STON2: variants seen among roughly 807,000 people sequenced by gnomAD.
STON2 encodes the protein stonin-2.
A neutral mutation model predicts 65.7 loss-of-function variants in STON2; 29 were observed. That is an observed-to-expected ratio of 0.44 (90% CI 0.33 to 0.60). The LOEUF (loss-of-function observed/expected upper bound fraction) is 0.60. Among genes scored for constraint, STON2 ranks in the 20% least tolerant of loss-of-function variants. STON2 has a pLI of 0.03. For missense variants in STON2, 1,054 were observed against 1,118.1 expected (o/e 0.94, Z 0.82); for synonymous variants, 404 against 414.2 (o/e 0.98, Z 0.30).
chr14:81,283,203 A>G (rs1455188571), intron 5 of STON2, among the ~76,000 whole-genome samples: 1 of 152,190 alleles, frequency 6.6e-6, no homozygotes, highest in African/African-American at 2.4e-5. Flanking sequence ...TTAGGCCGCA[A>G]TCTATTTCAA....
intron 5 of STON2, among the ~76,000 whole-genome samples, chr14:81,308,781 CAT>C (rs57821672): frequency 1.1e-3 from 10 of 9,164 alleles, no homozygotes; most frequent in Admixed American, 1.4e-3. Flanking sequence ...TGGTTTTACC[CAT>C]ATATATATAT....
chr14:81,326,171 T>G (rs1896998381), intron 4 of STON2, among the ~76,000 whole-genome samples: 1 of 152,216 alleles, frequency 6.6e-6, no homozygotes, highest in Admixed American at 6.5e-5. Flanking sequence ...CACCCTGATT[T>G]TTGCCACGCT....
intron 5 of STON2, among the ~76,000 whole-genome samples, chr14:81,281,904 G>T (rs1313855547): frequency 1.3e-5 from 2 of 152,078 alleles, no homozygotes; most frequent in Non-Finnish European, 2.9e-5. Flanking sequence ...AAAAGACTTT[G>T]TTACAAAATT....
intron 5 of STON2, among the ~76,000 whole-genome samples, chr14:81,308,642 C>A (rs115042308): frequency 0.024 from 3,631 of 151,804 alleles, 142 homozygotes; most frequent in African/African-American, 0.083. Flanking sequence ...ACTCTACGTC[C>A]ATCCCTAATA....
intron 4 of STON2, among the ~76,000 whole-genome samples, chr14:81,329,654 C>A (rs1897135989): frequency 1.3e-5 from 2 of 152,128 alleles, no homozygotes; most frequent in Admixed American, 6.5e-5. Flanking sequence ...TGTTTTCAGC[C>A]ACCCAGTTTG....
chr14:81,422,894 G>T (rs906812056), intron 2 of STON2, among the ~76,000 whole-genome samples: 1 of 152,064 alleles, frequency 6.6e-6, no homozygotes, highest in Non-Finnish European at 1.5e-5. Flanking sequence ...AATTAGCTGG[G>T]TGTGGAGGTA....
chr14:81,395,787 A>C (rs766691424), intron 3 of STON2, 107 bp downstream of exon 3: 2 of 1,140,762 alleles, frequency 1.8e-6, no homozygotes, highest in South Asian at 2.9e-5. Flanking sequence ...CCAGTGCTTC[A>C]GGGTTAGGGG....
At position 81,266,067 on chromosome 14, in the gene STON2, A is replaced by G. The variant is rs906845883; in HGVS notation, c.*2347T>C. 9.1e-6 allele frequency: 9 copies of G among 985,314 alleles called. 1 individual carries two copies. The highest frequency in any genetic ancestry group is 1.7e-5 in the African/African-American group (1 of 57,242). The allele number at this position is 985,314 out of a possible 1,614,324, so 61.0% of individuals were successfully genotyped here. Reference sequence around the variant, plus strand: ...GGAACTCCACTGTATTTCAAAGAGCATGAAAAACCACTTATGAAGAAAAAG... The same window carrying G: ...GGAACTCCACTGTATTTCAAAGAGCGTGAAAAACCACTTATGAAGAAAAAG... On this transcript the variant is annotated 3_prime_UTR_variant, in exon 8 of 8. Coordinates refer to ENST00000614646, the MANE Select transcript of STON2 (RefSeq NM_001394390.1).
In STON2 at chr14:81,296,217, T is replaced by C. The variant is rs1306800042; in HGVS notation, c.743-17478A>G. ...AATGTATTTAATTTTAGTACATATA[T>C]GCAACGTCTGGCTGCCTCAGAGTGG... On this transcript the variant is annotated intron_variant, in intron 5 of 7. Coordinates refer to ENST00000614646, the MANE Select transcript of STON2 (RefSeq NM_001394390.1). Among the ~76,000 whole-genome samples, 3 of 152,314 alleles carry C rather than the reference T, an allele frequency of 2.0e-5. No homozygotes were observed. In the East Asian group the frequency reaches 5.8e-4, roughly 29 times the overall value.
At chr14:81,363,331 C>A (rs1898579852) in intron 4 of STON2, among the ~76,000 whole-genome samples, 2 of 152,054 alleles carry the variant, frequency 1.3e-5, no homozygotes, top group Admixed American at 6.6e-5. Context: ...ATATAAAAAT[C>A]ATTTTAATGG....
intron 4 of STON2, among the ~76,000 whole-genome samples, chr14:81,328,894 G>A (rs957706792): frequency 6.6e-6 from 1 of 152,180 alleles, no homozygotes; most frequent in African/African-American, 2.4e-5. Flanking sequence ...AGTGGAAGCA[G>A]CCTGAGGCCT....
chr14:81,393,715 AG>A (rs1900187148), intron 3 of STON2, among the ~76,000 whole-genome samples: 1 of 152,246 alleles, frequency 6.6e-6, no homozygotes, highest in South Asian at 2.1e-4. Context: ...CATATTAAGC[AG>A]AAGGAACATT....
chr14:81,384,743 T>A (rs1899711122), intron 3 of STON2, among the ~76,000 whole-genome samples: 4 of 152,210 alleles, frequency 2.6e-5, no homozygotes, highest in Admixed American at 2.6e-4. Context: ...TAATACAGTA[T>A]TTTTCTTTCT....
At chr14:81,293,159 T>C (rs930425920) in intron 5 of STON2, among the ~76,000 whole-genome samples, 1 of 150,636 alleles carries the variant, frequency 6.6e-6, no homozygotes, top group African/African-American at 2.4e-5. Context: ...TTCACCTTAG[T>C]TCTTGCTGAC....
At position 81,297,433 on chromosome 14, in the gene STON2, G is replaced by A. The variant is rs552186578; in HGVS notation, c.743-18694C>T. Among the ~76,000 whole-genome samples the A allele has an allele frequency of 2.0e-5, 3 of 152,300 alleles. No homozygotes were observed. In the South Asian group the frequency reaches 6.2e-4, roughly 32 times the overall value. ...TTAGTCTTAACCACTCTGGTATACT[G>A]CAGCATTTGGACTGTAGCTCTACAT... On this transcript the variant is annotated intron_variant, in intron 5 of 7. Coordinates refer to ENST00000614646, the MANE Select transcript of STON2 (RefSeq NM_001394390.1).
At chr14:81,317,336 G>A (rs564630793) in intron 5 of STON2, among the ~76,000 whole-genome samples, 11 of 152,264 alleles carry the variant, frequency 7.2e-5, no homozygotes. Context: ...CAAAATAGGG[G>A]ATCACATTTC....
intron 5 of STON2, among the ~76,000 whole-genome samples, chr14:81,291,683 T>A (rs772844092): frequency 2.0e-5 from 3 of 152,108 alleles, no homozygotes; most frequent in Non-Finnish European, 4.4e-5. Flanking sequence ...AATAAACTAA[T>A]AAATTTATTA....
chr14:81,388,479 T>C (rs1363351403), intron 3 of STON2, among the ~76,000 whole-genome samples: 1 of 152,146 alleles, frequency 6.6e-6, no homozygotes, highest in African/African-American at 2.4e-5. Flanking sequence ...GCCAGGTCAC[T>C]AGGGTGGGGA....
chr14:81,418,850 C>G (rs1342555881), intron 2 of STON2, among the ~76,000 whole-genome samples: 3 of 152,172 alleles, frequency 2.0e-5, no homozygotes, highest in African/African-American at 7.2e-5. Context: ...GTCTCAAGCC[C>G]CGTGTGGTTC....
Sources: gnomAD v4.1 joint callset for allele counts (sites outside exome capture counted in the v4.1 genomes callset) on GRCh38, gnomAD v4.1.1 for gene constraint, MANE v1.5 for transcripts, NCBI Gene and HGNC (gene_info 2026-07-23, HGNC 2026-07-21) for gene names.